The following PCDHA2 variants were observed in gnomAD, a reference collection of about 807,000 sequenced individuals.
The protein encoded by PCDHA2 is protocadherin alpha 2, also known as protocadherin alpha-2.
Under a neutral mutation model 66.0 loss-of-function variants are expected in PCDHA2, and 58 were observed. The ratio of observed to expected loss-of-function variants is 0.88; its 90% CI spans 0.71 to 1.09. The LOEUF (loss-of-function observed/expected upper bound fraction) is 1.09. Among genes scored for constraint, PCDHA2 ranks in the 50% least tolerant of loss-of-function variants. The probability of loss-of-function intolerance (pLI) is 0.00; values close to 1 mark genes in which losing one functional copy is unlikely to be tolerated. For missense variants in PCDHA2, 1,267 were observed against 1,242.3 expected, an observed-to-expected ratio of 1.02 and a Z score of -0.30; for synonymous variants, 634 against 554.0, an observed-to-expected ratio of 1.14 and a Z score of -2.03.
chr5:140,842,381 T>A (rs2150334920), intron 1 of PCDHA2: 1 of 1,610,534 alleles, frequency 6.2e-7, no homozygotes, highest in South Asian at 1.1e-5. Context: ...AGCACTGACT[T>A]CCTTATCCTT....
chr5:140,839,524 G>A (rs1776264287), intron 1 of PCDHA2, among the ~76,000 whole-genome samples: 1 of 151,794 alleles, frequency 6.6e-6, no homozygotes, highest in Non-Finnish European at 1.5e-5. Context: ...CAAGTTGCTG[G>A]GACTATAGGC....
At chr5:140,865,420 C>T (rs998161335) in intron 1 of PCDHA2, 2 of 152,258 alleles carry the variant, frequency 1.3e-5, no homozygotes, top group South Asian at 2.1e-4. Context: ...TTAGTAGTGT[C>T]TACCTAGAAA....
intron 3 of PCDHA2, 32 bp downstream of exon 3, chr5:140,982,595 G>A (rs1554244629): frequency 6.2e-7 from 1 of 1,609,520 alleles, no homozygotes; most frequent in Non-Finnish European, 8.5e-7. Flanking sequence ...ATTCTTTCTT[G>A]GTTTCTGGAA....
In PCDHA2 at chr5:140,851,743, G is replaced by A. The variant is rs1045115703; in HGVS notation, c.2388+54391G>A. ...ACTTCGAGTTCTTTTGAAATTCAGA[G>A]TCTGTAACTTAAAACATTACCCTTA... On this transcript the variant is annotated intron_variant, in intron 1 of 3. Transcript: ENST00000526136. 3 of 972,104 alleles carry A rather than the reference G, an allele frequency of 3.1e-6. 1 individual carries two copies. The highest frequency in any genetic ancestry group is 3.7e-6 in the Non-Finnish European group (3 of 804,720). 60.2% of individuals were successfully genotyped at this position (972,104 alleles called of 1,614,324 possible).
intron 1 of PCDHA2, chr5:140,877,117 G>T (rs781979355): frequency 6.8e-6 from 11 of 1,613,720 alleles, no homozygotes; most frequent in Admixed American, 3.3e-5. Flanking sequence ...GGGCAGCAAC[G>T]TGACGCTGCA....
intron 1 of PCDHA2, chr5:140,809,255 G>A (rs150467607): frequency 4.3e-6 from 7 of 1,613,950 alleles, no homozygotes; most frequent in South Asian, 2.2e-5. Flanking sequence ...TGTGGGTCCC[G>A]ATGCTGCGCT....
chr5:140,847,960 C>T (rs1781264454), intron 1 of PCDHA2: 1 of 152,930 alleles, frequency 6.5e-6, no homozygotes. Context: ...ACACTAGAAT[C>T]CTATTTCGAG....
At position 140,858,441 on chromosome 5, in the gene PCDHA2, G is replaced by C. The variant is rs782468673; in HGVS notation, c.2388+61089G>C. 13 of 1,537,092 alleles carry C rather than the reference G, an allele frequency of 8.5e-6. 2 individuals carry two copies. The South Asian group carries it at 1.2e-4, about 14-fold the overall frequency. ...GGAGGGGACCACTCTAGGAAGGTGG[G>C]TTATTACGTTTTCATTTTCCTTTTG... is the stretch of plus-strand genomic sequence containing the variant. On this transcript the variant is annotated intron_variant, in intron 1 of 3. Coordinates refer to ENST00000526136, the MANE Select transcript of PCDHA2 (RefSeq NM_018905.3).
intron 1 of PCDHA2, chr5:140,969,200 G>A: frequency 2.5e-6 from 4 of 1,614,132 alleles, no homozygotes; most frequent in Non-Finnish European, 3.4e-6. Context: ...TTACAATACA[G>A]GGGCCCAGAC....
chr5:140,831,399 A>T (rs2150194241), intron 1 of PCDHA2, among the ~76,000 whole-genome samples: 1 of 150,984 alleles, frequency 6.6e-6, no homozygotes. Flanking sequence ...TTGCTCTGTC[A>T]CCCATGCTGG....
At chr5:140,801,682 T>G (rs563939423) in intron 1 of PCDHA2, 2 of 1,614,094 alleles carry the variant, frequency 1.2e-6, no homozygotes, top group Admixed American at 1.7e-5. Context: ...GATGCAGATA[T>G]CGGAACAAAT....
chr5:140,936,034 A>C (rs1554210820), intron 1 of PCDHA2, among the ~76,000 whole-genome samples: 1 of 151,842 alleles, frequency 6.6e-6, no homozygotes, highest in East Asian at 1.9e-4. Context: ...CGGGGATTAC[A>C]GGCACCCACC....
At chr5:140,943,234 G>A (rs1161111493) in intron 1 of PCDHA2, among the ~76,000 whole-genome samples, 3 of 145,508 alleles carry the variant, frequency 2.1e-5, no homozygotes, top group Non-Finnish European at 4.5e-5. Context: ...CTCCAGCCTG[G>A]GTCACAGAGT....
rs2150447816 is a variant in PCDHA2 at position 140,849,745 on chromosome 5, G to A, written c.2388+52393G>A. On this transcript the variant is annotated intron_variant, in intron 1 of 3. Coordinates refer to ENST00000526136, the MANE Select transcript of PCDHA2 (RefSeq NM_018905.3). Reference sequence around the variant, plus strand: ...CTGGACAGAGCTCTGGACCGCGAGAGTGTGTCCGCCTACGAGCTGGTGGTT... The same window carrying A: ...CTGGACAGAGCTCTGGACCGCGAGAATGTGTCCGCCTACGAGCTGGTGGTT... 2.6e-5 allele frequency: 41 copies of A among 1,598,346 alleles called. 3 individuals are homozygous for A. Among genetic ancestry groups the A allele is most frequent in the African/African-American group, 4.0e-5 (3 of 74,350 alleles).
chr5:140,816,829 G>A (rs1766003060), intron 1 of PCDHA2: 1 of 151,604 alleles, frequency 6.6e-6, no homozygotes, highest in African/African-American at 2.4e-5. Context: ...TTTTCCCTCT[G>A]TGGTGTCTGT....
chr5:140,858,334 GC>G, intron 1 of PCDHA2: 1 of 1,595,814 alleles, frequency 6.3e-7, no homozygotes, highest in Admixed American at 1.7e-5. Flanking sequence ...GGGAGGGCCT[GC>G]CCAAGGCGGA....
At chr5:140,827,960 A>G (rs1769468579) in intron 1 of PCDHA2, 3 of 1,310,514 alleles carry the variant, frequency 2.3e-6, no homozygotes, top group Non-Finnish European at 3.1e-6. Context: ...AATTTCTTCT[A>G]TTACTGCATC....
chr5:140,807,007 C>T, intron 1 of PCDHA2: 5 of 765,922 alleles, frequency 6.5e-6, no homozygotes, highest in Non-Finnish European at 8.3e-6. Context: ...CTCTTTACCA[C>T]AAAATACATG....
At chr5:140,803,661 G>C in intron 1 of PCDHA2, 1 of 1,607,224 alleles carries the variant, frequency 6.2e-7, no homozygotes. Flanking sequence ...CACTCCTCTG[G>C]AAATACATTA....
Sources: gnomAD v4.1 joint callset for allele counts (sites outside exome capture counted in the v4.1 genomes callset) on GRCh38, gnomAD v4.1.1 for gene constraint, MANE v1.5 for transcripts, NCBI Gene and HGNC (gene_info 2026-07-23, HGNC 2026-07-21) for gene names.